EP300: variants seen among roughly 807,000 people sequenced by gnomAD.
The protein encoded by EP300 is histone acetyltransferase p300.
In EP300, 31 loss-of-function variants were observed where a neutral mutation model predicts 264.0. That is an observed-to-expected ratio of 0.12 (90% CI 0.09 to 0.16). The LOEUF (loss-of-function observed/expected upper bound fraction) is 0.16, where lower values mean the gene tolerates loss of function less well. EP300 is among the 10% of genes least tolerant of loss of function. The pLI, the probability that EP300 is intolerant of heterozygous loss-of-function variation, is 1.00. For synonymous variants in EP300, 1,340 were observed against 1,045.4 expected (o/e 1.28, Z -5.44); for missense variants, 2,766 against 3,052.9 (o/e 0.91, Z 2.21).
At position 41,137,733 on chromosome 22, in the gene EP300, G is replaced by A. The variant is rs953144031; in HGVS notation, c.1703G>A (p.Arg568Gln). 8.1e-6 allele frequency: 13 copies of A among 1,614,036 alleles called. No individual in the cohort carries two copies. The highest frequency in any genetic ancestry group is 5.3e-5 in the African/African-American group (4 of 74,910). The change falls in exon 8 of 31, where the codon CGG becomes CAG. Residue 568 changes from arginine (R) to glutamine (Q), a missense_variant. By Grantham distance (43) the Arg-to-Gln change is conservative. Transcript: ENST00000263253. ...TAAQPSTTGI[R>Q]KQWHEDITQD... ...GCTCAACCATCCACTACTGGAATTC[G>A]GAAACAGTGGCACGAAGATATTACT... is the stretch of plus-strand genomic sequence containing the variant.
chr22:41,099,629 A>C (rs1377477611), intron 1 of EP300, among the ~76,000 whole-genome samples: 1 of 152,202 alleles, frequency 6.6e-6, no homozygotes, highest in Non-Finnish European at 1.5e-5. Context: ...CTCCGCATAC[A>C]ATTTTTTTTC....
intron 25 of EP300, 186 bp downstream of exon 25, chr22:41,169,053 A>G (rs1006800972): frequency 1.3e-5 from 10 of 756,728 alleles, no homozygotes; most frequent in Middle Eastern, 3.6e-4. Flanking sequence ...TAACCGCTCA[A>G]TACTGCTCTT....
At chr22:41,114,441 T>C (rs2058810598) in intron 1 of EP300, among the ~76,000 whole-genome samples, 1 of 152,132 alleles carries the variant, frequency 6.6e-6, no homozygotes, top group East Asian at 1.9e-4. Flanking sequence ...CCTCACAAAG[T>C]GTTGGGATTA....
intron 1 of EP300, among the ~76,000 whole-genome samples, chr22:41,109,735 A>G (rs1324815950): frequency 6.7e-6 from 1 of 150,236 alleles, no homozygotes; most frequent in East Asian, 1.9e-4. Context: ...CAGGGGGAGG[A>G]GGACGGGAAC....
rs2145741009 is a variant in EP300 at position 41,152,308 on chromosome 22, G to A, written c.3100G>A (p.Ala1034Thr). The A allele has an allele frequency of 6.2e-7, 1 of 1,614,076 alleles. No individual in the cohort carries two copies. Among genetic ancestry groups the A allele is most frequent in the Non-Finnish European group, 8.5e-7 (1 of 1,180,004 alleles). Residue 1034 changes from alanine to threonine, a missense_variant, in exon 16 of 31, where the codon GCT (alanine) becomes ACT (threonine). Physicochemically the swap from Ala to Thr is moderately conservative, Grantham distance 58. Transcript: ENST00000263253. ...KEEEDQPSTS[A>T]TQSSPAPGQS... ...GGAGGAAGACCAGCCAAGTACTTCA[G>A]CTACCCAGTCATCTCCGGCTCCAGG...
intron 1 of EP300, among the ~76,000 whole-genome samples, chr22:41,104,607 C>T (rs1378660894): frequency 1.3e-5 from 2 of 152,004 alleles, no homozygotes; most frequent in African/African-American, 4.8e-5. Flanking sequence ...GTTATTTTCA[C>T]AAGAAGTGTC....
chr22:41,159,738 A>C (rs775673050), intron 19 of EP300: 3 of 152,160 alleles, frequency 2.0e-5, no homozygotes, highest in Non-Finnish European at 4.4e-5. Context: ...GCAGTGGCGC[A>C]ATCTTAGCTC....
At chr22:41,094,755 T>C (rs950937550) in intron 1 of EP300, among the ~76,000 whole-genome samples, 2 of 152,210 alleles carry the variant, frequency 1.3e-5, no homozygotes, top group Non-Finnish European at 2.9e-5. Context: ...AGTTTTGGTG[T>C]AACGTGGTAG....
chr22:41,139,347 C>A (rs995841286), intron 8 of EP300, among the ~76,000 whole-genome samples: 1 of 152,158 alleles, frequency 6.6e-6, no homozygotes, highest in African/African-American at 2.4e-5. Flanking sequence ...AAAGAATAAC[C>A]GATCTCTTAT....
chr22:41,178,211 A>G lies in EP300; in HGVS notation c.6500A>G (p.Gln2167Arg). The change falls in exon 31 of 31, where the codon CAG becomes CGG. Residue 2167 changes from glutamine (Q) to arginine (R), a missense_variant. Physicochemically the swap from Gln to Arg is conservative, Grantham distance 43. Transcript: ENST00000263253. ...GGAGGGATGAGCCCCCAGGCTCAGC[A>G]GATGAACATGAACCACAACACCATG... Reference protein sequence around the residue: ...PMGGMSPQAQQMNMNHNTMPS... With the variant: ...PMGGMSPQAQRMNMNHNTMPS... 1.2e-6 allele frequency: 2 copies of G among 1,614,098 alleles called. No individual in the cohort carries two copies. The highest frequency in any genetic ancestry group is 1.7e-6 in the Non-Finnish European group (2 of 1,179,992).
chr22:41,163,686 G>A (rs990868284), intron 21 of EP300, among the ~76,000 whole-genome samples: 1 of 152,014 alleles, frequency 6.6e-6, no homozygotes, highest in Non-Finnish European at 1.5e-5. Context: ...GGCAGGGGTT[G>A]AAGTGAGCTG....
In EP300 at chr22:41,176,753, A is replaced by ACCTCCTGTT; in HGVS notation, c.5062-19_5062-11dup. ...CTTAAATCTTGGAGAGTTTACGTGC[A>ACCTCCTGTT]CCTCCTGTTTTTTCCCTAGGATTAT... is the stretch of plus-strand genomic sequence containing the variant. On this transcript the variant is annotated intron_variant, in intron 30 of 30. Coordinates refer to ENST00000263253, the MANE Select transcript of EP300 (RefSeq NM_001429.4). The ACCTCCTGTT allele has an allele frequency of 6.2e-7, 1 of 1,613,738 alleles. No individual in the cohort carries two copies. The highest frequency in any genetic ancestry group is 8.5e-7 in the Non-Finnish European group (1 of 1,180,026).
At position 41,117,967 on chromosome 22, in the gene EP300, T is replaced by A. The variant is rs1207482136; in HGVS notation, c.729+146T>A. 4 of 1,315,370 alleles carry A rather than the reference T, an allele frequency of 3.0e-6. No individual in the cohort carries two copies. In the Admixed American group the frequency reaches 6.0e-5, roughly 20 times the overall value. The allele number at this position is 1,315,370 out of a possible 1,614,324, so 81.5% of individuals were successfully genotyped here. A position where few individuals can be genotyped will look rare whatever the true frequency, so the allele number is the denominator to read the frequency against. Reference sequence around the variant, plus strand: ...GCTGTCATAAGTTTTAAGAAGTGCCTGTATTTAAGTAAAACGTTTATTTTA... The same window carrying A: ...GCTGTCATAAGTTTTAAGAAGTGCCAGTATTTAAGTAAAACGTTTATTTTA... On this transcript the variant is annotated intron_variant, in intron 2 of 30. Coordinates refer to ENST00000263253, the MANE Select transcript of EP300 (RefSeq NM_001429.4).
Position 41,177,638 on chromosome 22 carries a change from C to A in EP300, c.5927C>A (p.Pro1976His). The change falls in exon 31 of 31, where the codon CCC (proline) becomes CAC (histidine). Residue 1976 changes from proline to histidine, a missense_variant. Pro to His is a moderately conservative substitution (Grantham distance 77). Coordinates refer to ENST00000263253, the MANE Select transcript of EP300 (RefSeq NM_001429.4). The part of the protein sequence containing the change: ...GMNPPPMTRG[P>H]SGHLEPGMGP... Reference sequence around the variant, plus strand: ...AACCCACCTCCCATGACCAGAGGTCCCAGTGGGCATTTGGAGCCAGGGATG... The same window carrying A: ...AACCCACCTCCCATGACCAGAGGTCACAGTGGGCATTTGGAGCCAGGGATG... 1 of 1,614,082 alleles carries A rather than the reference C, an allele frequency of 6.2e-7. No individual in the cohort carries two copies. The highest frequency in any genetic ancestry group is 8.5e-7 in the Non-Finnish European group (1 of 1,180,026).
At chr22:41,131,049 A>AT (rs1197769310) in intron 5 of EP300, among the ~76,000 whole-genome samples, 1 of 152,214 alleles carries the variant, frequency 6.6e-6, no homozygotes, top group African/African-American at 2.4e-5. Flanking sequence ...GAAATAAGGT[A>AT]TCGTTTCTCT....
intron 1 of EP300, among the ~76,000 whole-genome samples, chr22:41,094,452 C>T (rs1031422576): frequency 2.6e-5 from 4 of 152,140 alleles, no homozygotes; most frequent in African/African-American, 9.7e-5. Context: ...AGTTAACCTG[C>T]AAAAATTGAG....
At chr22:41,140,385 T>C (rs987419628) in intron 9 of EP300, 128 bp downstream of exon 9, 64 of 782,534 alleles carry the variant, frequency 8.2e-5, no homozygotes, top group Admixed American at 1.4e-4. Context: ...TCCCGTCTTA[T>C]TGTCCCCAAG....
intron 26 of EP300, 67 bp downstream of exon 26, chr22:41,169,683 A>T: frequency 1.0e-5 from 9 of 889,216 alleles, no homozygotes; most frequent in Non-Finnish European, 1.7e-5. Flanking sequence ...ATATAGGTTA[A>T]ATATGCAAAT....
At chr22:41,169,449 T>C (rs1453147690) in intron 25 of EP300, 54 bp from the exon 26 acceptor site, 5 of 1,096,532 alleles carry the variant, frequency 4.6e-6, no homozygotes, top group Non-Finnish European at 7.0e-6. Context: ...AGTAAAGAAC[T>C]CATTATGTGA....
Sources: allele counts gnomAD v4.1 joint callset (sites outside exome capture counted in the v4.1 genomes callset), GRCh38; gene constraint gnomAD v4.1.1; transcripts MANE v1.5; gene names NCBI Gene and HGNC (gene_info 2026-07-23, HGNC 2026-07-21).